NR6A1: variants seen among roughly 807,000 people sequenced by gnomAD.
The protein encoded by NR6A1 is nuclear receptor subfamily 6 group A member 1.
NR6A1 carries 7 observed loss-of-function variants against 59.1 expected under a neutral mutation model. The observed-to-expected ratio is 0.12, with a 90% CI of 0.07 to 0.22. The LOEUF is 0.22. NR6A1 is among the 10% of genes least tolerant of loss of function. The pLI is 1.00. For missense variants in NR6A1, 468 were observed against 611.6 expected, an observed-to-expected ratio of 0.77 and a Z score of 2.48; for synonymous variants, 243 against 236.1, an observed-to-expected ratio of 1.03 and a Z score of -0.27.
intron 2 of NR6A1, among the ~76,000 whole-genome samples, chr9:124,605,624 C>T (rs958879095): frequency 6.6e-6 from 1 of 152,090 alleles, no homozygotes; most frequent in East Asian, 1.9e-4. Flanking sequence ...AAACAAACCC[C>T]ACACTTTTAA....
intron 2 of NR6A1, among the ~76,000 whole-genome samples, chr9:124,604,532 G>A (rs1835525482): frequency 6.6e-6 from 1 of 152,122 alleles, no homozygotes; most frequent in Admixed American, 6.5e-5. Flanking sequence ...TATTAAATAG[G>A]GCACAGTGGC....
intron 2 of NR6A1, among the ~76,000 whole-genome samples, chr9:124,641,306 C>T (rs1366583993): frequency 6.7e-6 from 1 of 149,226 alleles, no homozygotes; most frequent in Admixed American, 6.6e-5. Flanking sequence ...TTGCCGTGAG[C>T]CGAGATCACC....
chr9:124,565,074 C>A (rs566210507), intron 2 of NR6A1, among the ~76,000 whole-genome samples: 3 of 152,226 alleles, frequency 2.0e-5, no homozygotes, highest in South Asian at 4.1e-4. Context: ...AATAATATAT[C>A]TCTCATTAGA....
At chr9:124,539,953 A>C in intron 5 of NR6A1, 80 bp downstream of exon 5, 1 of 1,442,308 alleles carries the variant, frequency 6.9e-7, no homozygotes, top group Non-Finnish European at 9.2e-7. Context: ...TGGCAGGGAT[A>C]CTCAGCCAGA....
chr9:124,656,427 G>A (rs138304386), intron 2 of NR6A1, among the ~76,000 whole-genome samples: 134 of 152,250 alleles, frequency 8.8e-4, no homozygotes, highest in South Asian at 7.7e-3. Flanking sequence ...TCTGACATGC[G>A]ACAACATGCA....
At chr9:124,737,391 C>T (rs1026288862) in intron 1 of NR6A1, among the ~76,000 whole-genome samples, 1 of 152,192 alleles carries the variant, frequency 6.6e-6, no homozygotes, top group Non-Finnish European at 1.5e-5. Flanking sequence ...AATGAAATGG[C>T]CACAGCTAGC....
intron 7 of NR6A1, 24 bp downstream of exon 7, chr9:124,535,854 T>TC: frequency 6.2e-7 from 1 of 1,612,602 alleles, no homozygotes; most frequent in Non-Finnish European, 8.5e-7. Flanking sequence ...GTTTGGTATT[T>TC]CCTCCCCAGC....
intron 6 of NR6A1, among the ~76,000 whole-genome samples, chr9:124,536,678 A>G (rs1006192165): frequency 2.2e-4 from 34 of 152,164 alleles, no homozygotes; most frequent in African/African-American, 7.9e-4. Flanking sequence ...AAAAAAAAAA[A>G]AGAAATGTGT....
At chr9:124,528,562 A>G (rs535409096) in intron 7 of NR6A1, among the ~76,000 whole-genome samples, 1 of 152,040 alleles carries the variant, frequency 6.6e-6, no homozygotes, top group Non-Finnish European at 1.5e-5. Flanking sequence ...TCAGCTGGGC[A>G]TGGTAGTGCG....
At chr9:124,617,820 C>A (rs1164491395) in intron 2 of NR6A1, among the ~76,000 whole-genome samples, 1 of 152,140 alleles carries the variant, frequency 6.6e-6, no homozygotes, top group South Asian at 2.1e-4. Flanking sequence ...GACCCTCGTA[C>A]CTGCAAGATA....
Position 124,597,048 on chromosome 9 carries a change from G to C in NR6A1, c.143-42478C>G, listed in dbSNP as rs116723048. 4.3e-3 allele frequency among the ~76,000 whole-genome samples: 655 copies of C among 152,230 alleles called. 1 individual carries two copies. The highest frequency in any genetic ancestry group is 0.015 in the African/African-American group (613 of 41,528). On this transcript the variant is annotated intron_variant, in intron 2 of 9. Transcript: ENST00000487099. ...GGAGACCCTTCTTGGAGTAGGACTG[G>C]AATCTGTCACTTAGCAGCCATATAA...
chr9:124,685,760 T>C (rs142159576), intron 2 of NR6A1, among the ~76,000 whole-genome samples: 24 of 152,368 alleles, frequency 1.6e-4, no homozygotes, highest in African/African-American at 5.8e-4. Context: ...CCCAGAATTA[T>C]TTCCCCATTC....
chr9:124,561,601 C>CT (rs1300846674), intron 2 of NR6A1, among the ~76,000 whole-genome samples: 6 of 152,082 alleles, frequency 3.9e-5, no homozygotes, highest in Admixed American at 6.6e-5. Context: ...ATAAGTTTTT[C>CT]TTTTTTTAAT....
At chr9:124,580,881 C>T (rs1588683543) in intron 2 of NR6A1, among the ~76,000 whole-genome samples, 2 of 152,184 alleles carry the variant, frequency 1.3e-5, no homozygotes, top group East Asian at 3.9e-4. Context: ...TACCTGACTT[C>T]AGACTATACT....
At chr9:124,703,746 T>C (rs990933349) in intron 2 of NR6A1, among the ~76,000 whole-genome samples, 2 of 152,240 alleles carry the variant, frequency 1.3e-5, no homozygotes, top group African/African-American at 4.8e-5. Flanking sequence ...GATAATACCA[T>C]GCTCGTAGAA....
intron 2 of NR6A1, among the ~76,000 whole-genome samples, chr9:124,633,511 T>A (rs188277066): frequency 1.3e-5 from 2 of 150,642 alleles, no homozygotes; most frequent in African/African-American, 4.9e-5. Flanking sequence ...GGCTAAAACA[T>A]AGACTCAATG....
chr9:124,702,952 G>C (rs921135331), intron 2 of NR6A1, among the ~76,000 whole-genome samples: 1 of 151,394 alleles, frequency 6.6e-6, no homozygotes, highest in African/African-American at 2.4e-5. Flanking sequence ...CCAGGCTGGA[G>C]TGCAGTGGTA....
intron 7 of NR6A1, among the ~76,000 whole-genome samples, chr9:124,534,396 A>G (rs1035747579): frequency 3.9e-5 from 6 of 152,154 alleles, no homozygotes; most frequent in Non-Finnish European, 8.8e-5. Context: ...ATGGATTAAC[A>G]AGGCAGAAAG....
At chr9:124,574,249 T>A (rs1428585480) in intron 2 of NR6A1, among the ~76,000 whole-genome samples, 2 of 152,186 alleles carry the variant, frequency 1.3e-5, no homozygotes, top group African/African-American at 4.8e-5. Context: ...TATATGTTTG[T>A]CATATTAGAA....
Sources: gnomAD v4.1 joint callset for allele counts (sites outside exome capture counted in the v4.1 genomes callset) on GRCh38, gnomAD v4.1.1 for gene constraint, MANE v1.5 for transcripts, NCBI Gene and HGNC (gene_info 2026-07-23, HGNC 2026-07-21) for gene names.